Variants in ATXN1 observed in about 807,000 individuals in gnomAD.
The protein encoded by ATXN1 is ataxin-1.
ATXN1 carries 8 observed loss-of-function variants against 56.4 expected under a neutral mutation model. That is an observed-to-expected ratio of 0.14 (90% CI 0.08 to 0.26). The LOEUF (loss-of-function observed/expected upper bound fraction) is 0.26, where lower values mean the gene tolerates loss of function less well. Ranked by LOEUF, ATXN1 falls within the 10% of genes least tolerant of loss-of-function variation. The pLI is 1.00. For missense variants in ATXN1, 987 were observed against 1,106.5 expected (o/e 0.89, Z 1.53); for synonymous variants, 514 against 494.6 (o/e 1.04, Z -0.52).
At position 16,306,617 on chromosome 6, in the gene ATXN1, T is replaced by A. The variant is rs769453697; in HGVS notation, c.2160A>T (p.Arg720Ser). ...CGTTTTCCTGCTCGGCATACCTGTGTCTGCTGCCCGCCAGGCCGTCGGCCT... is the reference window on the plus strand; with the variant it reads ...CGTTTTCCTGCTCGGCATACCTGTGACTGCTGCCCGCCAGGCCGTCGGCCT... ...HSKADGLAGSRHRYAEQENGI... is the reference protein window; with the variant it reads ...HSKADGLAGSSHRYAEQENGI... Residue 720 changes from arginine (R) to serine (S), a missense_variant, in exon 8 of 8, where the codon AGA becomes AGT. This residue lies in a region of ATXN1 where 196 missense variants were observed against 196.7 expected (regional missense o/e 1.00). Coordinates refer to ENST00000436367, the MANE Select transcript of ATXN1 (RefSeq NM_001128164.2). The surrounding 1 kb of genome is among the most constrained non-coding windows in gnomAD (Gnocchi z 5.2). 2 of 1,614,130 alleles carry A rather than the reference T, an allele frequency of 1.2e-6. No homozygotes were observed. Among genetic ancestry groups the A allele is most frequent in the Admixed American group, 1.7e-5 (1 of 60,016 alleles).
intron 2 of ATXN1, 58 bp downstream of exon 2, chr6:16,753,175 T>G (rs771832842): frequency 2.2e-6 from 1 of 450,208 alleles, no homozygotes; most frequent in Non-Finnish European, 4.5e-6. Context: ...AGGAGGCAAT[T>G]TTCCAGGTCA....
In ATXN1 at chr6:16,736,207, A is replaced by G. The variant is rs3812225; in HGVS notation, c.-615+17026T>C. On this transcript the variant is annotated intron_variant, in intron 2 of 7. Coordinates refer to ENST00000436367, the MANE Select transcript of ATXN1 (RefSeq NM_001128164.2). ...ATCTACAGCTTTGATTTCAGTGTTT[A>G]ATTTTATTATCAAAGTATTAAGAAT... Among the ~76,000 whole-genome samples the G allele has an allele frequency of 7.7e-4, 118 of 152,330 alleles. 2 individuals carry two copies. The East Asian group carries it at 0.022, about 28-fold the overall frequency.
At chr6:16,314,978 G>C (rs188633954) in intron 7 of ATXN1, among the ~76,000 whole-genome samples, 1 of 152,120 alleles carries the variant, frequency 6.6e-6, no homozygotes, top group South Asian at 2.1e-4. Context: ...AGTTCAACAA[G>C]TATACACCGA....
At chr6:16,343,196 T>A (rs1761295283) in intron 6 of ATXN1, among the ~76,000 whole-genome samples, 1 of 151,852 alleles carries the variant, frequency 6.6e-6, no homozygotes, top group African/African-American at 2.4e-5. Flanking sequence ...ATAGAAAAAA[T>A]TAGCCGGGCG....
chr6:16,454,375 T>G (rs1759824359), intron 6 of ATXN1, among the ~76,000 whole-genome samples: 1 of 152,136 alleles, frequency 6.6e-6, no homozygotes, highest in South Asian at 2.1e-4. Flanking sequence ...ACTACTTGTA[T>G]AGAAAATAAC....
At chr6:16,333,073 G>T (rs1215592241) in intron 6 of ATXN1, among the ~76,000 whole-genome samples, 1 of 152,162 alleles carries the variant, frequency 6.6e-6, no homozygotes, top group Non-Finnish European at 1.5e-5. Context: ...ACCAAACTAG[G>T]TGTTGTACGT....
chr6:16,353,760 A>C (rs1191029384), intron 6 of ATXN1, among the ~76,000 whole-genome samples: 5 of 152,262 alleles, frequency 3.3e-5, no homozygotes, highest in Admixed American at 3.3e-4. Flanking sequence ...GTCTACGAGA[A>C]TAAATAAATA....
chr6:16,583,059 ATG>A (rs1433721731), intron 4 of ATXN1, among the ~76,000 whole-genome samples: 5 of 152,214 alleles, frequency 3.3e-5, no homozygotes, highest in Non-Finnish European at 7.3e-5. Context: ...AATAATATAC[ATG>A]TGTGTATAAA....
Position 16,565,813 on chromosome 6 carries a change from T to G in ATXN1, c.-361+19967A>C, listed in dbSNP as rs183420957. ...TTCAGCCCTGAAGACACAGAACAAA[T>G]GATAAAACATCATGTTTTATAACAG... On this transcript the variant is annotated intron_variant, in intron 4 of 7. Coordinates refer to ENST00000436367, the MANE Select transcript of ATXN1 (RefSeq NM_001128164.2). Among the ~76,000 whole-genome samples the G allele has an allele frequency of 2.2e-4, 34 of 152,326 alleles. No homozygotes were observed. The East Asian group carries it at 6.4e-3, about 29-fold the overall frequency.
At chr6:16,574,567 T>C (rs1475057866) in intron 4 of ATXN1, among the ~76,000 whole-genome samples, 2 of 152,070 alleles carry the variant, frequency 1.3e-5, no homozygotes, top group African/African-American at 2.4e-5. Context: ...CTGGTCTCGA[T>C]CTCCTGACCT....
intron 3 of ATXN1, among the ~76,000 whole-genome samples, chr6:16,645,468 C>T (rs1234708530): frequency 2.0e-5 from 3 of 152,080 alleles, no homozygotes; most frequent in African/African-American, 7.2e-5. Flanking sequence ...TGCTTAGCAA[C>T]GTGGACTTAA....
chr6:16,365,159 C>T (rs1194403632), intron 6 of ATXN1, among the ~76,000 whole-genome samples: 1 of 151,896 alleles, frequency 6.6e-6, no homozygotes, highest in Non-Finnish European at 1.5e-5. Context: ...CAAGGAGTTC[C>T]AAAACAGAAT....
In ATXN1 at chr6:16,326,855, C is replaced by T; in HGVS notation, c.1456G>A (p.Gly486Ser). 6 of 1,609,370 alleles carry T rather than the reference C, an allele frequency of 3.7e-6. No individual in the cohort carries two copies. The highest frequency in any genetic ancestry group is 1.1e-5 in the South Asian group (1 of 90,766). The stretch of plus-strand genomic sequence containing the variant: ...ACCGGGATGAGCAGGGGCTGTGTGC[C>T]GGGGATCACCAGGTGCTGGGGCAGG... ...GSLPQHLVIP[G>S]TQPLLIPVGS... The change falls in exon 7 of 8, where the codon GGC becomes AGC. Residue 486 changes from glycine to serine, a missense_variant. Coordinates refer to ENST00000436367, the MANE Select transcript of ATXN1 (RefSeq NM_001128164.2). This position sits in a 1 kb window ranked among gnomAD's most constrained non-coding sequence, Gnocchi z 6.6.
At chr6:16,728,553 T>C (rs1298807599) in intron 2 of ATXN1, among the ~76,000 whole-genome samples, 1 of 152,172 alleles carries the variant, frequency 6.6e-6, no homozygotes, top group African/African-American at 2.4e-5. Context: ...CCCATATGCC[T>C]GGTATTTTGC....
At chr6:16,341,626 C>G (rs1187860845) in intron 6 of ATXN1, among the ~76,000 whole-genome samples, 1 of 149,242 alleles carries the variant, frequency 6.7e-6, no homozygotes, top group Non-Finnish European at 1.5e-5. Context: ...TCACACCATT[C>G]TCCTGCCTCA....
At chr6:16,640,237 C>T (rs527844120) in intron 3 of ATXN1, among the ~76,000 whole-genome samples, 84 of 152,252 alleles carry the variant, frequency 5.5e-4, no homozygotes, top group Admixed American at 3.9e-3. Flanking sequence ...TGCTCTTTGA[C>T]GTTACTATTA....
rs2237200 is a variant in ATXN1 at position 16,428,663 on chromosome 6, A to G, written c.-161+57309T>C. Among the ~76,000 whole-genome samples the G allele has an allele frequency of 1.9e-3, 286 of 152,188 alleles. 2 individuals are homozygous for G. Among genetic ancestry groups the G allele is most frequent in the East Asian group, 0.015 (77 of 5,126 alleles). On this transcript the variant is annotated intron_variant, in intron 6 of 7. Coordinates refer to ENST00000436367, the MANE Select transcript of ATXN1 (RefSeq NM_001128164.2). ...GAGAGTTTCAGCACTTACCCCAATT[A>G]CAGCACAAGCTGATGCCAGAGGGAG... is the stretch of plus-strand genomic sequence containing the variant.
chr6:16,420,942 T>C (rs142025135), intron 6 of ATXN1, among the ~76,000 whole-genome samples: 214 of 152,114 alleles, frequency 1.4e-3, no homozygotes, highest in Non-Finnish European at 8.5e-4. Context: ...GTCTCTGCGG[T>C]TTTGTAGTTG....
chr6:16,314,728 GC>G lies in ATXN1; in HGVS notation c.1918-7870del, dbSNP rs371925691. 8.7e-4 allele frequency among the ~76,000 whole-genome samples: 132 copies of G among 151,892 alleles called. 1 individual carries two copies. Among genetic ancestry groups the G allele is most frequent in the Middle Eastern group, 3.4e-3 (1 of 294 alleles). On this transcript the variant is annotated intron_variant, in intron 7 of 7. Transcript: ENST00000436367. ...CCTCCTGGGTTCAAGCGATTCTCCT[GC>G]CTCAGCCTCCCGAGTAGCTGGGAGG... is the stretch of plus-strand genomic sequence containing the variant.
Sources: gnomAD v4.1 joint callset for allele counts (sites outside exome capture counted in the v4.1 genomes callset) on GRCh38, gnomAD v4.1.1 for gene constraint, gnomAD v4.1.1 regional missense constraint, Gnocchi (gnomAD v3.1) non-coding constraint, MANE v1.5 for transcripts, NCBI Gene and HGNC (gene_info 2026-07-23, HGNC 2026-07-21) for gene names.